DHTKD1: variants seen among roughly 807,000 people sequenced by gnomAD.
DHTKD1 encodes the protein 2-oxoadipate dehydrogenase complex component E1.
A neutral mutation model predicts 101.8 loss-of-function variants in DHTKD1; 78 were observed. The observed-to-expected ratio is 0.77, with a 90% CI of 0.64 to 0.93. The LOEUF is 0.93. Ranked by LOEUF, DHTKD1 falls within the 40% of genes least tolerant of loss-of-function variation. DHTKD1 has a pLI of 0.00. For missense variants in DHTKD1, 1,223 were observed against 1,161.7 expected (o/e 1.05, Z -0.77); for synonymous variants, 462 against 450.3 (o/e 1.03, Z -0.33).
chr10:12,095,827 A>G (rs1833061726), intron 7 of DHTKD1, among the ~76,000 whole-genome samples: 1 of 138,362 alleles, frequency 7.2e-6, no homozygotes, highest in African/African-American at 2.9e-5. Flanking sequence ...AAAAAAAAAA[A>G]AAAAAAGAAA....
intron 12 of DHTKD1, 38 bp downstream of exon 12, chr10:12,108,053 C>T (rs1262617847): frequency 6.6e-7 from 1 of 1,512,804 alleles, no homozygotes; most frequent in African/African-American, 1.4e-5. Context: ...GAATCATTTT[C>T]CTGCTTCCTA....
At chr10:12,093,545 C>G (rs1833023660) in intron 6 of DHTKD1, among the ~76,000 whole-genome samples, 1 of 152,140 alleles carries the variant, frequency 6.6e-6, no homozygotes, top group African/African-American at 2.4e-5. Flanking sequence ...TCACAGTTTA[C>G]AAGGCTGTTT....
rs376863729 is a variant in DHTKD1 at position 12,118,716 on chromosome 10, C to G, written c.2403-33C>G. The G allele has an allele frequency of 3.4e-6, 5 of 1,449,312 alleles. No individual in the cohort carries two copies. In the African/African-American group the frequency reaches 7.3e-5, roughly 21 times the overall value. The allele number at this position is 1,449,312 out of a possible 1,614,324, so 89.8% of individuals were successfully genotyped here. On this transcript the variant is annotated intron_variant, in intron 14 of 16. Transcript: ENST00000263035. ...GTAATTCTTACTTTAAAAAATTTCTCCCCCACCCTATTGTTCCTTTTCTGT... is the reference window on the plus strand; with the variant it reads ...GTAATTCTTACTTTAAAAAATTTCTGCCCCACCCTATTGTTCCTTTTCTGT...
intron 10 of DHTKD1, among the ~76,000 whole-genome samples, chr10:12,101,495 G>T (rs1348178699): frequency 6.6e-6 from 1 of 152,174 alleles, no homozygotes; most frequent in Non-Finnish European, 1.5e-5. Context: ...TCAAAGATAT[G>T]GATAAGTCAG....
At position 12,091,652 on chromosome 10, in the gene DHTKD1, G is replaced by C; in HGVS notation, c.1127G>C (p.Arg376Thr). Residue 376 changes from arginine to threonine, a missense_variant, in exon 6 of 17, where the codon AGA (arginine) becomes ACA (threonine). Physicochemically the swap from Arg to Thr is moderately conservative, Grantham distance 71 (BLOSUM62 -1). Coordinates refer to ENST00000263035, the MANE Select transcript of DHTKD1 (RefSeq NM_018706.7). ...CTGGGTTACACCACTCCAGCTGAAAGAGGAAGGTCTTCTTTATACTGCAGT... is the reference window on the plus strand; with the variant it reads ...CTGGGTTACACCACTCCAGCTGAAACAGGAAGGTCTTCTTTATACTGCAGT... Reference protein sequence around the residue: ...NQLGYTTPAERGRSSLYCSDI... With the variant: ...NQLGYTTPAETGRSSLYCSDI... 1 of 1,614,004 alleles carries C rather than the reference G, an allele frequency of 6.2e-7. No homozygotes were observed. Among genetic ancestry groups the C allele is most frequent in the South Asian group, 1.1e-5 (1 of 91,070 alleles).
Position 12,091,633 on chromosome 10 carries a change from T to C in DHTKD1, c.1108T>C (p.Tyr370His), listed in dbSNP as rs1232801245. The C allele has an allele frequency of 5.0e-6, 8 of 1,613,902 alleles. No homozygotes were observed. The highest frequency in any genetic ancestry group is 6.8e-6 in the Non-Finnish European group (8 of 1,179,986). ...VHLIVNNQLG[Y>H]TTPAERGRSS... The stretch of plus-strand genomic sequence containing the variant: ...TTTGATTGTTAATAACCAGCTGGGT[T>C]ACACCACTCCAGCTGAAAGAGGAAG... The change falls in exon 6 of 17, where the codon TAC becomes CAC. Residue 370 changes from tyrosine to histidine, a missense_variant. By Grantham distance (83) the Tyr-to-His change is moderately conservative (BLOSUM62 2). Coordinates refer to ENST00000263035, the MANE Select transcript of DHTKD1 (RefSeq NM_018706.7).
In DHTKD1 at chr10:12,069,068, G is replaced by T. The variant is rs1042683604; in HGVS notation, c.35G>T (p.Gly12Val). ...GCTACTGCGGCAGCAGCACGACGGG[G>T]CCTCGGCCGGGCTCTCCCTCTCTTC... is the stretch of plus-strand genomic sequence containing the variant. ...ASATAAAARR[G>V]LGRALPLFWR... The change falls in exon 1 of 17, where the codon GGC becomes GTC. Residue 12 changes from glycine to valine, a missense_variant. Physicochemically the swap from Gly to Val is moderately radical, Grantham distance 109. Coordinates refer to ENST00000263035, the MANE Select transcript of DHTKD1 (RefSeq NM_018706.7). 3.7e-6 allele frequency: 6 copies of T among 1,613,040 alleles called. No homozygotes were observed. Among genetic ancestry groups the T allele is most frequent in the Non-Finnish European group, 5.1e-6 (6 of 1,179,612 alleles).
chr10:12,117,059 A>T (rs1017159788), intron 13 of DHTKD1, among the ~76,000 whole-genome samples: 3 of 151,654 alleles, frequency 2.0e-5, no homozygotes, highest in Non-Finnish European at 4.4e-5. Flanking sequence ...CTGGAGTGCA[A>T]TGGTGCGATT....
chr10:12,101,022 T>G lies in DHTKD1; in HGVS notation c.1757-20T>G. On this transcript the variant is annotated intron_variant, in intron 9 of 16. Coordinates refer to ENST00000263035, the MANE Select transcript of DHTKD1 (RefSeq NM_018706.7). ...AGGTTATTTATGGGAATCTGACTTT[T>G]TTTTTCTTGCTTGCTTAAGGTTTTA... The G allele has an allele frequency of 6.2e-7, 1 of 1,612,690 alleles. No homozygotes were observed. Among genetic ancestry groups the G allele is most frequent in the South Asian group, 1.1e-5 (1 of 90,814 alleles).
chr10:12,110,921 C>A lies in DHTKD1; in HGVS notation c.2155-1979C>A, dbSNP rs974599288. Among the ~76,000 whole-genome samples, 1 of 151,546 alleles carries A rather than the reference C, an allele frequency of 6.6e-6. No individual in the cohort carries two copies. The highest frequency in any genetic ancestry group is 1.5e-5 in the Non-Finnish European group (1 of 67,920). ...TAGCTGGGTGGGTGGTGGTGCGTGCCCATAATCCTCACTACTTGGGAGGCT... is the reference window on the plus strand; with the variant it reads ...TAGCTGGGTGGGTGGTGGTGCGTGCACATAATCCTCACTACTTGGGAGGCT... On this transcript the variant is annotated intron_variant, in intron 12 of 16. Coordinates refer to ENST00000263035, the MANE Select transcript of DHTKD1 (RefSeq NM_018706.7). This position sits in a 1 kb window ranked among gnomAD's most constrained non-coding sequence, Gnocchi z 4.9.
At chr10:12,116,678 A>G (rs545655800) in intron 13 of DHTKD1, among the ~76,000 whole-genome samples, 2 of 150,254 alleles carry the variant, frequency 1.3e-5, no homozygotes, top group African/African-American at 4.9e-5. Flanking sequence ...GGCATGAGCC[A>G]CCGCGCCCAG....
intron 2 of DHTKD1, among the ~76,000 whole-genome samples, chr10:12,083,991 C>T (rs1480298409): frequency 2.0e-5 from 3 of 151,084 alleles, no homozygotes; most frequent in African/African-American, 4.9e-5. Context: ...GGTGTGATCT[C>T]GGCTCACTGC....
At chr10:12,099,793 CTTTTTT>C (rs55758504) in intron 8 of DHTKD1, among the ~76,000 whole-genome samples, 2 of 96,166 alleles carry the variant, frequency 2.1e-5, no homozygotes, top group Non-Finnish European at 4.3e-5. Flanking sequence ...AATTTCGTTG[CTTTTTT>C]TTTTTTTTTT....
At chr10:12,071,270 A>T (rs1279137) in intron 1 of DHTKD1, among the ~76,000 whole-genome samples, 26,626 of 151,984 alleles carry the variant, frequency 0.18, 2,648 homozygotes, top group East Asian at 0.32. Context: ...CATGGCCACC[A>T]GGTTATGGGG....
chr10:12,100,328 A>G, intron 9 of DHTKD1, 66 bp downstream of exon 9: 1 of 543,074 alleles, frequency 1.8e-6, no homozygotes, highest in African/African-American at 2.6e-5. Context: ...CCCAGGCTGG[A>G]ATGCAGTGGT....
rs1396572587 is a variant in DHTKD1, at chr10:12,087,653, T to A, written c.641T>A (p.Ile214Asn). The A allele has an allele frequency of 1.2e-6, 2 of 1,614,002 alleles. No homozygotes were observed. Among genetic ancestry groups the A allele is most frequent in the Non-Finnish European group, 1.7e-6 (2 of 1,179,968 alleles). The change falls in exon 4 of 17, where the codon ATC becomes AAC. Residue 214 changes from isoleucine (I) to asparagine (N), a missense_variant. Transcript: ENST00000263035. This position sits in a 1 kb window ranked among gnomAD's most constrained non-coding sequence, Gnocchi z 5.2. ...ELLKMSAYSG[I>N]TDVIIGMPHR... ...CTGAAAATGTCGGCCTACAGCGGGATCACTGATGTCATTATTGGGATGCCC... is the reference window on the plus strand; with the variant it reads ...CTGAAAATGTCGGCCTACAGCGGGAACACTGATGTCATTATTGGGATGCCC...
intron 8 of DHTKD1, among the ~76,000 whole-genome samples, chr10:12,099,574 G>A (rs979454633): frequency 6.6e-6 from 1 of 152,126 alleles, no homozygotes; most frequent in South Asian, 2.1e-4. Flanking sequence ...CATAGTCCCA[G>A]CTACTTAGGA....
intron 13 of DHTKD1, 86 bp from the exon 14 acceptor site, chr10:12,117,586 GT>G: frequency 1.2e-6 from 1 of 805,664 alleles, no homozygotes; most frequent in Non-Finnish European, 2.2e-6. Context: ...TAGAACTTTG[GT>G]ACTCGTGTTT....
At chr10:12,095,095 T>A (rs889738297) in intron 7 of DHTKD1, among the ~76,000 whole-genome samples, 6 of 152,178 alleles carry the variant, frequency 3.9e-5, no homozygotes, top group Non-Finnish European at 8.8e-5. Context: ...AGAACCTCAG[T>A]GATTCATTTC....
Sources: allele counts gnomAD v4.1 joint callset (sites outside exome capture counted in the v4.1 genomes callset), GRCh38; gene constraint gnomAD v4.1.1; non-coding constraint Gnocchi (gnomAD v3.1); transcripts MANE v1.5; gene names NCBI Gene and HGNC (gene_info 2026-07-23, HGNC 2026-07-21).